Variants in FREM2 observed in about 807,000 individuals in gnomAD.
The protein encoded by FREM2 is FRAS1-related extracellular matrix protein 2.
Under a neutral mutation model 219.9 loss-of-function variants are expected in FREM2, and 119 were observed. The observed-to-expected ratio is 0.54, with a 90% CI of 0.47 to 0.63. FREM2 has a LOEUF of 0.63. FREM2 is among the 30% of genes least tolerant of loss of function. The pLI, the probability that FREM2 is intolerant of heterozygous loss-of-function variation, is 0.00. For missense variants in FREM2, 4,030 were observed against 3,993.6 expected, an observed-to-expected ratio of 1.01 and a Z score of -0.25; for synonymous variants, 1,562 against 1,522.8, an observed-to-expected ratio of 1.03 and a Z score of -0.60.
intron 16 of FREM2, among the ~76,000 whole-genome samples, chr13:38,871,783 T>C (rs904675979): frequency 6.6e-6 from 1 of 152,176 alleles, no homozygotes; most frequent in African/African-American, 2.4e-5. Context: ...CAGAAACTAG[T>C]ACAGTTTCTG....
intron 2 of FREM2, among the ~76,000 whole-genome samples, chr13:38,730,225 T>C (rs183372232): frequency 6.6e-6 from 1 of 152,330 alleles, no homozygotes; most frequent in Admixed American, 6.5e-5. Flanking sequence ...ACTGGACTGC[T>C]CAGTACGTTT....
In FREM2 at chr13:38,697,775, G is replaced by A. The variant is rs1870176352; in HGVS notation, c.5251G>A (p.Val1751Ile). The A allele has an allele frequency of 6.3e-7, 1 of 1,595,614 alleles. No homozygotes were observed. The highest frequency in any genetic ancestry group is 8.6e-7 in the Non-Finnish European group (1 of 1,163,170). The stretch of plus-strand genomic sequence containing the variant: ...CACAAGTGATATGTTCTATTTTGCA[G>A]TTGAAGATGGTGGTAAGTATTCCCC... Reference protein sequence around the residue: ...NATSDMFYFAVEDGGGNKLTY... With the variant: ...NATSDMFYFAIEDGGGNKLTY... Residue 1751 changes from valine to isoleucine, a missense_variant, in exon 2 of 24, where the codon GTT becomes ATT. Physicochemically the swap from Val to Ile is conservative, Grantham distance 29. This residue lies in a region of FREM2 where 3,102 missense variants were observed against 2,950.7 expected (regional missense o/e 1.05). Transcript: ENST00000280481.
chr13:38,711,018 T>A (rs983975154), intron 2 of FREM2, among the ~76,000 whole-genome samples: 1 of 152,232 alleles, frequency 6.6e-6, no homozygotes, highest in African/African-American at 2.4e-5. Context: ...TGTAGAGATA[T>A]CACTTCCAGA....
intron 2 of FREM2, among the ~76,000 whole-genome samples, chr13:38,715,489 C>T (rs1870961742): frequency 6.6e-6 from 1 of 152,120 alleles, no homozygotes; most frequent in Admixed American, 6.5e-5. Flanking sequence ...CTCCACACAC[C>T]AAGACTTGCC....
In FREM2 at chr13:38,851,125, T is replaced by C. The variant is rs943774675; in HGVS notation, c.6742+17T>C. 14 of 1,611,642 alleles carry C rather than the reference T, an allele frequency of 8.7e-6. No homozygotes were observed. The Admixed American group carries it at 2.3e-4, about 27-fold the overall frequency. On this transcript the variant is annotated intron_variant, in intron 10 of 23. Transcript: ENST00000280481. ...ATGCTGATAGTAAGAAATCTTTTTT[T>C]GTTTGTTCAACTGTAAATTAGAAAC... is the stretch of plus-strand genomic sequence containing the variant.
intron 2 of FREM2, among the ~76,000 whole-genome samples, chr13:38,751,893 TGTG>T (rs777658446): frequency 0.017 from 2,571 of 150,254 alleles, 85 homozygotes; most frequent in African/African-American, 0.06. Flanking sequence ...TGTGTGTGTG[TGTG>T]TTTTCCTTTT....
At chr13:38,826,385 A>ATT (rs200431728) in intron 6 of FREM2, among the ~76,000 whole-genome samples, 1 of 151,652 alleles carries the variant, frequency 6.6e-6, no homozygotes, top group East Asian at 1.9e-4. Flanking sequence ...CAGAACAATG[A>ATT]TTTTTTTTTC....
chr13:38,760,865 G>T (rs1379426082), intron 2 of FREM2, among the ~76,000 whole-genome samples: 6 of 152,122 alleles, frequency 3.9e-5, no homozygotes, highest in South Asian at 2.1e-4. Flanking sequence ...TAGGATATAA[G>T]ATTTTGGAAA....
chr13:38,846,666 C>G lies in FREM2; in HGVS notation c.6113C>G (p.Ser2038Cys). The G allele has an allele frequency of 1.2e-6, 2 of 1,613,820 alleles. No homozygotes were observed. Among genetic ancestry groups the G allele is most frequent in the Non-Finnish European group, 1.7e-6 (2 of 1,179,812 alleles). Residue 2038 changes from serine (S) to cysteine (C), a missense_variant, in exon 7 of 24, where the codon TCC becomes TGC. Coordinates refer to ENST00000280481, the MANE Select transcript of FREM2 (RefSeq NM_207361.6). ...VQVWRTGTDL[S>C]KSSSVTVRSR... ...GTGTGGAGAACGGGCACTGACCTGT[C>G]CAAGTCTTCTAGTGTCACAGTGAGG... is the stretch of plus-strand genomic sequence containing the variant.
intron 6 of FREM2, among the ~76,000 whole-genome samples, chr13:38,788,592 T>G (rs2137835889): frequency 6.6e-6 from 1 of 152,308 alleles, no homozygotes; most frequent in Non-Finnish European, 1.5e-5. Flanking sequence ...CCCTAGGACC[T>G]GCACTTAGAG....
intron 3 of FREM2, among the ~76,000 whole-genome samples, chr13:38,765,567 A>G (rs1873402562): frequency 6.6e-6 from 1 of 152,174 alleles, no homozygotes; most frequent in South Asian, 2.1e-4. Context: ...GCACAGAAAT[A>G]CACACCCCTG....
intron 3 of FREM2, among the ~76,000 whole-genome samples, 196 bp downstream of exon 3, chr13:38,764,646 T>C (rs1873364979): frequency 6.6e-6 from 1 of 152,206 alleles, no homozygotes; most frequent in Non-Finnish European, 1.5e-5. Flanking sequence ...GTACATATGA[T>C]CTTTTTCTGG....
At chr13:38,784,885 G>A in intron 6 of FREM2, 77 bp downstream of exon 6, 1 of 1,486,090 alleles carries the variant, frequency 6.7e-7, no homozygotes, top group South Asian at 1.2e-5. Flanking sequence ...CAGAAAAAAT[G>A]GGAATCTAAA....
chr13:38,813,129 T>A (rs1205916085), intron 6 of FREM2, among the ~76,000 whole-genome samples: 2 of 152,082 alleles, frequency 1.3e-5, no homozygotes, highest in East Asian at 3.9e-4. Flanking sequence ...TCTGTGTTTT[T>A]CTGTCTGCTT....
At chr13:38,736,549 GTTTA>G (rs771211534) in intron 2 of FREM2, among the ~76,000 whole-genome samples, 3 of 152,118 alleles carry the variant, frequency 2.0e-5, no homozygotes, top group Admixed American at 6.5e-5. Flanking sequence ...ACACACAAAT[GTTTA>G]TTTAATATGG....
intron 6 of FREM2, among the ~76,000 whole-genome samples, chr13:38,786,136 A>G (rs916371409): frequency 1.3e-5 from 2 of 152,176 alleles, no homozygotes; most frequent in African/African-American, 4.8e-5. Context: ...CTACAGTGGT[A>G]TAGAAAACCA....
At chr13:38,739,296 A>C (rs1872136669) in intron 2 of FREM2, among the ~76,000 whole-genome samples, 2 of 152,240 alleles carry the variant, frequency 1.3e-5, no homozygotes, top group Admixed American at 6.5e-5. Flanking sequence ...CATGGATTTA[A>C]TAACTTACAT....
intron 6 of FREM2, among the ~76,000 whole-genome samples, chr13:38,811,112 C>G (rs183251761): frequency 1.3e-5 from 2 of 151,964 alleles, no homozygotes; most frequent in African/African-American, 4.8e-5. Flanking sequence ...CATATGGTTA[C>G]TCATAGTCAC....
Position 38,690,894 on chromosome 13 carries a change from A to G in FREM2, c.3550A>G (p.Ile1184Val). 1 of 1,614,140 alleles carries G rather than the reference A, an allele frequency of 6.2e-7. No individual in the cohort carries two copies. The highest frequency in any genetic ancestry group is 1.1e-5 in the South Asian group (1 of 91,068). ...GAGACAGTTCTTCCCCATTGTAATC[A>G]TTCCCACCAATGATGAACAGCCAGA... is the stretch of plus-strand genomic sequence containing the variant. ...SERQFFPIVI[I>V]PTNDEQPEMF... is the part of the protein sequence containing the mutation. The change falls in exon 1 of 24, where the codon ATT (isoleucine) becomes GTT (valine). Residue 1184 changes from isoleucine (I) to valine (V), a missense_variant. By Grantham distance (29) the Ile-to-Val change is conservative. This residue lies in a region of FREM2 where 3,102 missense variants were observed against 2,950.7 expected (regional missense o/e 1.05). Transcript: ENST00000280481.
Sources: allele counts gnomAD v4.1 joint callset (sites outside exome capture counted in the v4.1 genomes callset), GRCh38; gene constraint gnomAD v4.1.1; regional missense constraint gnomAD v4.1.1; transcripts MANE v1.5; gene names NCBI Gene and HGNC (gene_info 2026-07-23, HGNC 2026-07-21).